Variants in SLC6A5 observed in about 807,000 individuals in gnomAD.
SLC6A5 encodes the protein sodium- and chloride-dependent glycine transporter 2.
A neutral mutation model predicts 90.5 loss-of-function variants in SLC6A5; 58 were observed. The ratio of observed to expected loss-of-function variants is 0.64; its 90% confidence interval spans 0.52 to 0.80. The LOEUF is 0.80. Ranked by LOEUF, SLC6A5 falls within the 30% of genes least tolerant of loss-of-function variation. The probability of loss-of-function intolerance (pLI) is 0.00; values close to 1 mark genes in which losing one functional copy is unlikely to be tolerated. For synonymous variants in SLC6A5, 427 were observed against 401.4 expected, an observed-to-expected ratio of 1.06 and a Z score of -0.76; for missense variants, 1,015 against 1,017.6, an observed-to-expected ratio of 1.00 and a Z score of 0.03.
chr11:20,600,229 T>C (rs1387888823), intron 1 of SLC6A5, among the ~76,000 whole-genome samples: 1 of 151,790 alleles, frequency 6.6e-6, no homozygotes, highest in Non-Finnish European at 1.5e-5. Flanking sequence ...GAAAGTGAAT[T>C]GGGAAAAAGC....
rs570973993 is a variant in SLC6A5, at chr11:20,656,164, T to C, written c.*1296T>C. ...GAAATTGGCAAAGTGTAAACTTTATTATCTTCTTGTATCCTGAACATGCAT... is the reference window on the plus strand; with the variant it reads ...GAAATTGGCAAAGTGTAAACTTTATCATCTTCTTGTATCCTGAACATGCAT... On this transcript the variant is annotated 3_prime_UTR_variant, in exon 16 of 16. Transcript: ENST00000525748. 1 of 152,228 alleles carries C rather than the reference T, an allele frequency of 6.6e-6. No homozygotes were observed. Among genetic ancestry groups the C allele is most frequent in the South Asian group, 2.1e-4 (1 of 4,834 alleles). The allele number at this position is 152,228 out of a possible 1,614,324, so 9.4% of individuals were successfully genotyped here. A position where few individuals can be genotyped will look rare whatever the true frequency, so the allele number is the denominator to read the frequency against.
At chr11:20,615,863 C>T (rs1356161492) in intron 6 of SLC6A5, among the ~76,000 whole-genome samples, 2 of 152,156 alleles carry the variant, frequency 1.3e-5, no homozygotes, top group African/African-American at 4.8e-5. Flanking sequence ...AAAGAGGCTG[C>T]CTGTCGCATG....
intron 6 of SLC6A5, among the ~76,000 whole-genome samples, chr11:20,615,829 A>AG (rs1472112792): frequency 8.7e-6 from 1 of 115,096 alleles, no homozygotes; most frequent in African/African-American, 3.4e-5. Context: ...GATGATAGGG[A>AG]GGGGGTGGGG....
rs1004163171 is a variant in SLC6A5, at chr11:20,624,573, G to A, written c.1261-2135G>A. On this transcript the variant is annotated intron_variant, in intron 7 of 15. Transcript: ENST00000525748. ...CTACCATGCTGGAGCCCCCTACCAG[G>A]TACTCGAGTCTGTGCAGACAGCGTG... Among the ~76,000 whole-genome samples the A allele has an allele frequency of 8.5e-5, 13 of 152,202 alleles. No individual in the cohort carries two copies. The South Asian group carries it at 2.7e-3, about 32-fold the overall frequency.
rs1288670529 is a variant in SLC6A5 at position 20,626,716 on chromosome 11, C to T, written c.1269C>T (p.Tyr423=). The T allele has an allele frequency of 1.2e-6, 2 of 1,613,966 alleles. No homozygotes were observed. The highest frequency in any genetic ancestry group is 1.7e-6 in the Non-Finnish European group (2 of 1,179,964). The change falls in exon 8 of 16, where the codon TAC becomes TAT. Residue 423 remains tyrosine, a synonymous_variant. Coordinates refer to ENST00000525748, the MANE Select transcript of SLC6A5 (RefSeq NM_004211.5). ...KGIKTSGKVV[Y]FTATFPYVVL... ...GCCCATGGCTTTTCTAGGTGGTGTA[C>T]TTCACGGCCACGTTCCCGTATGTCG...
chr11:20,608,216 A>G (rs1055667485), intron 5 of SLC6A5, among the ~76,000 whole-genome samples: 1 of 152,082 alleles, frequency 6.6e-6, no homozygotes, highest in African/African-American at 2.4e-5. Context: ...CCCTTAGACC[A>G]CTCTGATAAA....
At chr11:20,642,205 T>A (rs80079452) in intron 13 of SLC6A5, among the ~76,000 whole-genome samples, 1,943 of 141,198 alleles carry the variant, frequency 0.014, 50 homozygotes, top group African/African-American at 0.048. Context: ...AGCACAGAGA[T>A]CTGTGTGCTC....
intron 9 of SLC6A5, among the ~76,000 whole-genome samples, chr11:20,629,784 G>A (rs1268267598): frequency 2.7e-5 from 4 of 149,730 alleles, no homozygotes; most frequent in African/African-American, 4.9e-5. Flanking sequence ...AGGCTGGAGT[G>A]CAATGGCCAA....
rs11827415 is a variant in SLC6A5, at chr11:20,617,933, G to C, written c.1260+49G>C. 4.4e-6 allele frequency: 7 copies of C among 1,596,242 alleles called. No homozygotes were observed. The African/African-American group carries it at 8.1e-5, about 18-fold the overall frequency. Reference sequence around the variant, plus strand: ...AGAAAGCTGTGAGACACCCAGGGGCGGTTGCTTTGGGGAGCAGGCAGAGCA... The same window carrying C: ...AGAAAGCTGTGAGACACCCAGGGGCCGTTGCTTTGGGGAGCAGGCAGAGCA... On this transcript the variant is annotated intron_variant, in intron 7 of 15. Transcript: ENST00000525748.
chr11:20,633,212 T>C (rs1435180879), intron 10 of SLC6A5, among the ~76,000 whole-genome samples: 2 of 152,226 alleles, frequency 1.3e-5, no homozygotes, highest in South Asian at 2.1e-4. Flanking sequence ...CACTGAGTTA[T>C]ACCAGAGTAG....
chr11:20,632,182 A>G (rs1401122142), intron 10 of SLC6A5, among the ~76,000 whole-genome samples: 1 of 151,998 alleles, frequency 6.6e-6, no homozygotes, highest in East Asian at 1.9e-4. Flanking sequence ...CTGTCCTGTA[A>G]CCTCATTTCC....
chr11:20,606,969 TG>T, intron 3 of SLC6A5, 37 bp from the exon 4 acceptor site: 2 of 1,613,822 alleles, frequency 1.2e-6, no homozygotes, highest in Non-Finnish European at 1.7e-6. Flanking sequence ...AGCCTGCTTT[TG>T]CCTCCTAGGG....
At chr11:20,618,861 C>T (rs1234869776) in intron 7 of SLC6A5, among the ~76,000 whole-genome samples, 11 of 151,788 alleles carry the variant, frequency 7.2e-5, no homozygotes, top group African/African-American at 1.9e-4. Context: ...CACTTGAACC[C>T]GGGAGGCGGA....
chr11:20,628,162 GC>G, intron 9 of SLC6A5, 79 bp downstream of exon 9: 2 of 1,150,014 alleles, frequency 1.7e-6, no homozygotes, highest in Non-Finnish European at 2.6e-6. Flanking sequence ...GACACCTGAG[GC>G]CACATCCTCA....
At chr11:20,605,907 C>T (rs7127127) in intron 3 of SLC6A5, among the ~76,000 whole-genome samples, 124,740 of 152,222 alleles carry the variant, frequency 0.82, 51,219 homozygotes, top group East Asian at 0.98. Flanking sequence ...CAGCAGCCGG[C>T]GGCTGCCCCT....
chr11:20,602,175 G>T (rs1340288107), intron 2 of SLC6A5, among the ~76,000 whole-genome samples: 8 of 152,164 alleles, frequency 5.3e-5, no homozygotes, highest in African/African-American at 1.9e-4. Context: ...ATGCGAGGTG[G>T]GTTTACCTGA....
At chr11:20,606,209 G>A (rs981005933) in intron 3 of SLC6A5, among the ~76,000 whole-genome samples, 2 of 152,366 alleles carry the variant, frequency 1.3e-5, no homozygotes, top group East Asian at 1.9e-4. Context: ...ACTCTATGGA[G>A]GCCTGCCAAG....
chr11:20,628,180 A>C, intron 9 of SLC6A5, 97 bp downstream of exon 9: 2 of 1,024,900 alleles, frequency 2.0e-6, no homozygotes, highest in Non-Finnish European at 1.5e-6. Flanking sequence ...CTCACATTTC[A>C]TCTTAGGGAG....
rs1182102601 is a variant in SLC6A5, at chr11:20,600,399, G to GAAGAAGAAGAAGAAGAAGAAGAAGAAGAA, written c.4-717_4-716insAGAAGAAGAAGAAGAAAAGAAGAAGAAGA. Among the ~76,000 whole-genome samples, 12 of 139,054 alleles carry GAAGAAGAAGAAGAAGAAGAAGAAGAAGAA rather than the reference G, an allele frequency of 8.6e-5. 1 individual carries two copies. The highest frequency in any genetic ancestry group is 3.8e-4 in the Admixed American group (5 of 13,192). The allele number at this position is 139,054 out of a possible 152,430, so 91.2% of individuals were successfully genotyped here. A position where few individuals can be genotyped will look rare whatever the true frequency, so the allele number is the denominator to read the frequency against. On this transcript the variant is annotated intron_variant, in intron 1 of 15. Transcript: ENST00000525748. ...AGAAGAAGAAGAAGAAGAAGAAGAA[G>GAAGAAGAAGAAGAAGAAGAAGAAGAAGAA]AAGAAGAAGAAGACCTAAACAAAAG...
Sources: allele counts gnomAD v4.1 joint callset (sites outside exome capture counted in the v4.1 genomes callset), GRCh38; gene constraint gnomAD v4.1.1; transcripts MANE v1.5; gene names NCBI Gene and HGNC (gene_info 2026-07-23, HGNC 2026-07-21).